AKAP12: variants seen among roughly 807,000 people sequenced by gnomAD.
AKAP12 encodes the protein A-kinase anchoring protein 12.
AKAP12 carries 32 observed loss-of-function variants against 79.9 expected under a neutral mutation model. That is an observed-to-expected ratio of 0.40 (90% CI 0.30 to 0.54). The LOEUF is 0.54. AKAP12 is among the 20% of genes least tolerant of loss of function. The pLI, the probability that AKAP12 is intolerant of heterozygous loss-of-function variation, is 0.48. For synonymous variants in AKAP12, 808 were observed against 857.0 expected (o/e 0.94, Z 1.00); for missense variants, 2,074 against 2,177.0 (o/e 0.95, Z 0.94).
chr6:151,345,928 TGTGTGAGAGAGAGAGA>T (rs1436173435), intron 3 of AKAP12, among the ~76,000 whole-genome samples: 2 of 110,736 alleles, frequency 1.8e-5, no homozygotes, highest in African/African-American at 6.4e-5. Flanking sequence ...TGTGTGTGTG[TGTGTGAGAGAGAGAGA>T]GAGAGAGAGA....
intron 2 of AKAP12, among the ~76,000 whole-genome samples, chr6:151,259,426 A>G (rs11751679): frequency 0.58 from 85,328 of 146,102 alleles, 26,731 homozygotes; most frequent in African/African-American, 0.82. Context: ...GTATATATAT[A>G]TGTGTGTGTA....
intron 2 of AKAP12, among the ~76,000 whole-genome samples, chr6:151,295,719 G>A (rs938458710): frequency 6.6e-6 from 1 of 152,354 alleles, no homozygotes; most frequent in East Asian, 1.9e-4. Context: ...GATAAATGTT[G>A]CTGTTGGGTG....
chr6:151,317,642 G>T (rs1777266246), intron 3 of AKAP12, among the ~76,000 whole-genome samples: 3 of 152,188 alleles, frequency 2.0e-5, no homozygotes, highest in Non-Finnish European at 4.4e-5. Flanking sequence ...TGAAAGAATT[G>T]ACTGGAGGAC....
At chr6:151,249,301 A>T (rs1797132422) in intron 2 of AKAP12, among the ~76,000 whole-genome samples, 1 of 152,208 alleles carries the variant, frequency 6.6e-6, no homozygotes, top group Non-Finnish European at 1.5e-5. Context: ...GCCACTTACT[A>T]TTCAATCTTG....
In AKAP12 at chr6:151,350,207, G is replaced by A. The variant is rs535245615; in HGVS notation, c.1816G>A (p.Gly606Ser). ...TTCCGATGGAGAGAAAAAAAGAGAA[G>A]GTGTCACTCCCTGGGCATCATTCAA... Reference protein sequence around the residue: ...ATSDGEKKREGVTPWASFKKM... With the variant: ...ATSDGEKKRESVTPWASFKKM... Residue 606 changes from glycine to serine, a missense_variant, in exon 4 of 5, where the codon GGT becomes AGT. Gly to Ser is a moderately conservative substitution (Grantham distance 56, BLOSUM62 0). Around this residue, in one of 3 missense-constraint regions of AKAP12, gnomAD observed 1,428 missense variants for 1,451.0 expected, o/e 0.98. Transcript: ENST00000402676. The surrounding 1 kb of genome is among the most constrained non-coding windows in gnomAD (Gnocchi z 4.8). The A allele has an allele frequency of 5.0e-6, 8 of 1,613,962 alleles. No homozygotes were observed. In the East Asian group the frequency reaches 8.9e-5, roughly 18 times the overall value.
chr6:151,306,214 A>T (rs1418246557), intron 3 of AKAP12, among the ~76,000 whole-genome samples: 2 of 152,172 alleles, frequency 1.3e-5, no homozygotes, highest in Non-Finnish European at 1.5e-5. Context: ...TAAAAGAGTC[A>T]TTATCTCTCC....
intron 2 of AKAP12, among the ~76,000 whole-genome samples, chr6:151,247,512 C>T (rs1239868024): frequency 1.3e-5 from 2 of 150,842 alleles, no homozygotes; most frequent in Non-Finnish European, 2.9e-5. Context: ...GTAGAGCAGT[C>T]TTACTCTCCT....
At chr6:151,306,018 A>T in intron 3 of AKAP12, 115 bp downstream of exon 3, 1 of 1,113,620 alleles carries the variant, frequency 9.0e-7, no homozygotes, top group Non-Finnish European at 1.3e-6. Flanking sequence ...CAGCAAAAAC[A>T]ATCAATTGGT....
At chr6:151,266,332 C>T (rs1344895595) in intron 2 of AKAP12, among the ~76,000 whole-genome samples, 7 of 152,020 alleles carry the variant, frequency 4.6e-5, no homozygotes, top group Non-Finnish European at 8.8e-5. Flanking sequence ...TTTCACTACT[C>T]CTATTTAAAT....
intron 3 of AKAP12, among the ~76,000 whole-genome samples, chr6:151,308,746 CTA>C (rs1211824928): frequency 3.3e-5 from 5 of 152,268 alleles, no homozygotes; most frequent in African/African-American, 1.2e-4. Flanking sequence ...TTTTCTTTCT[CTA>C]TTTTTTTCTG....
chr6:151,287,172 C>T (rs1385415914), intron 2 of AKAP12, among the ~76,000 whole-genome samples: 1 of 152,148 alleles, frequency 6.6e-6, no homozygotes, highest in Non-Finnish European at 1.5e-5. Context: ...ATCTCCTGAC[C>T]TTGTGATCCA....
intron 2 of AKAP12, among the ~76,000 whole-genome samples, chr6:151,291,585 G>T (rs1466149475): frequency 6.6e-6 from 1 of 152,164 alleles, no homozygotes; most frequent in East Asian, 1.9e-4. Flanking sequence ...CACTTACTTT[G>T]GTATGCAGGA....
chr6:151,291,884 C>T (rs1776630790), intron 2 of AKAP12, among the ~76,000 whole-genome samples: 1 of 152,182 alleles, frequency 6.6e-6, no homozygotes, highest in Non-Finnish European at 1.5e-5. Flanking sequence ...GACTTGTGGC[C>T]TCTTTCCCTT....
intron 2 of AKAP12, among the ~76,000 whole-genome samples, chr6:151,287,947 A>G (rs2114732606): frequency 6.6e-6 from 1 of 152,206 alleles, no homozygotes; most frequent in East Asian, 1.9e-4. Context: ...CATCATTCTC[A>G]GCAAACTAAC....
intron 3 of AKAP12, among the ~76,000 whole-genome samples, chr6:151,341,522 G>A (rs1031244765): frequency 6.6e-6 from 1 of 152,210 alleles, no homozygotes; most frequent in Non-Finnish European, 1.5e-5. Flanking sequence ...CTGGCGCCGG[G>A]CGCGGGGAGG....
At chr6:151,320,097 AT>A (rs999289351) in intron 3 of AKAP12, 11 of 152,174 alleles carry the variant, frequency 7.2e-5, no homozygotes, top group Admixed American at 7.2e-4. Context: ...ATACCTAAGC[AT>A]CCTTGGAGGA....
At chr6:151,319,520 C>CTATATAGATATATATATATAGATATAGA (rs1562736542) in intron 3 of AKAP12, 6 of 84,288 alleles carry the variant, frequency 7.1e-5, no homozygotes, top group Non-Finnish European at 1.3e-4. Flanking sequence ...AGATATATCT[C>CTATATAGATATATATATATAGATATAGA]TATATAGATA....
chr6:151,323,288 T>C (rs1266476839), intron 3 of AKAP12, among the ~76,000 whole-genome samples: 2 of 152,220 alleles, frequency 1.3e-5, no homozygotes, highest in African/African-American at 2.4e-5. Context: ...CAGTGGCTCA[T>C]GCCTGTAGTC....
intron 2 of AKAP12, among the ~76,000 whole-genome samples, chr6:151,260,607 G>A (rs986742851): frequency 6.6e-6 from 1 of 152,182 alleles, no homozygotes; most frequent in Admixed American, 6.5e-5. Flanking sequence ...CTCCCAGCCC[G>A]TCATGGTTTA....
Sources: gnomAD v4.1 joint callset for allele counts (sites outside exome capture counted in the v4.1 genomes callset) on GRCh38, gnomAD v4.1.1 for gene constraint, gnomAD v4.1.1 regional missense constraint, Gnocchi (gnomAD v3.1) non-coding constraint, MANE v1.5 for transcripts, NCBI Gene and HGNC (gene_info 2026-07-23, HGNC 2026-07-21) for gene names.